PDK4: variants seen among roughly 807,000 people sequenced by gnomAD.
PDK4 encodes pyruvate dehydrogenase kinase, isozyme 4.
Under a neutral mutation model 51.7 loss-of-function variants are expected in PDK4, and 43 were observed. That is an observed-to-expected ratio of 0.83 (90% CI 0.65 to 1.07). The LOEUF is 1.07. PDK4 is among the 50% of genes least tolerant of loss of function. The pLI is 0.00. For missense variants in PDK4, 498 were observed against 503.5 expected (o/e 0.99, Z 0.10); for synonymous variants, 170 against 176.6 (o/e 0.96, Z 0.30).
At chr7:95,588,177 C>A (rs930868221) in intron 7 of PDK4, among the ~76,000 whole-genome samples, 1 of 152,070 alleles carries the variant, frequency 6.6e-6, no homozygotes, top group Non-Finnish European at 1.5e-5. Context: ...CGTTTTACAT[C>A]CAAGCACCAA....
chr7:95,593,639 T>C, intron 3 of PDK4, 60 bp downstream of exon 3: 1 of 803,456 alleles, frequency 1.2e-6, no homozygotes, highest in Non-Finnish European at 2.2e-6. Flanking sequence ...AAAAATATCT[T>C]AGGAATCTAT....
At position 95,585,694 on chromosome 7, in the gene PDK4, A is replaced by G; in HGVS notation, c.1183T>C (p.Trp395Arg). Residue 395 changes from tryptophan to arginine, a missense_variant, in exon 11 of 11, where the codon TGG becomes CGG. Trp to Arg is a moderately radical substitution (Grantham distance 101, BLOSUM62 -3). Transcript: ENST00000005178. The stretch of plus-strand genomic sequence containing the variant: ...TTTGGTTCCCTGCTTGGGATACACC[A>G]GTCATCAGCCTCAGAGCTCATCTGA... ...HYQMSSEADD[W>R]CIPSREPKNL... 2 of 1,612,406 alleles carry G rather than the reference A, an allele frequency of 1.2e-6. No individual in the cohort carries two copies. Among genetic ancestry groups the G allele is most frequent in the Non-Finnish European group, 1.7e-6 (2 of 1,178,674 alleles).
chr7:95,587,858 G>A (rs369797016), intron 7 of PDK4, 33 bp from the exon 8 acceptor site: 4 of 1,297,770 alleles, frequency 3.1e-6, no homozygotes, highest in Non-Finnish European at 4.5e-6. Context: ...GAATTCAATG[G>A]CAGAGGAATG....
Position 95,596,377 on chromosome 7 carries a change from C to A in PDK4, c.-84G>T. 7.0e-7 allele frequency: 1 copy of A among 1,420,312 alleles called. No individual in the cohort carries two copies. The highest frequency in any genetic ancestry group is 9.2e-7 in the Non-Finnish European group (1 of 1,084,002). The allele number at this position is 1,420,312 out of a possible 1,614,324, so 88.0% of individuals were successfully genotyped here. ...GGAGCAGAGCCTGGTTCCGAGGGGG[C>A]GCGGCGCGTCCGGGCGAGGACTGCA... On this transcript the variant is annotated 5_prime_UTR_variant, in exon 1 of 11. Coordinates refer to ENST00000005178, the MANE Select transcript of PDK4 (RefSeq NM_002612.4).
At chr7:95,593,877 A>T in intron 2 of PDK4, 107 bp from the exon 3 acceptor site, 1 of 489,978 alleles carries the variant, frequency 2.0e-6, no homozygotes, top group Non-Finnish European at 3.7e-6. Context: ...AGTAAGCATT[A>T]TGTTCAAACT....
rs183638925 is a variant in PDK4 at position 95,585,767 on chromosome 7, C to T, written c.1110G>A (p.Glu370=). 5 of 1,592,214 alleles carry T rather than the reference C, an allele frequency of 3.1e-6. No individual in the cohort carries two copies. The East Asian group carries it at 1.1e-4, about 36-fold the overall frequency. ...AIIYLKALSS[E]SIEKLPVFNK... ...TAAAAACTGGAAGTTTTTCTATAGA[C>T]TCAGAAGACAAAGCCTAAAAGAAAA... Residue 370 remains glutamate, a synonymous_variant, in exon 11 of 11, where the codon GAG becomes GAA. Transcript: ENST00000005178.
intron 7 of PDK4, among the ~76,000 whole-genome samples, chr7:95,588,286 T>C (rs577173727): frequency 1.7e-4 from 26 of 152,326 alleles, no homozygotes; most frequent in Non-Finnish European, 3.1e-4. Flanking sequence ...AAAAGGACAG[T>C]CAATAATTCT....
intron 5 of PDK4, 106 bp from the exon 6 acceptor site, chr7:95,592,171 G>T (rs559459920): frequency 8.8e-6 from 5 of 565,830 alleles, no homozygotes; most frequent in African/African-American, 7.8e-5. Flanking sequence ...TATTCACTAA[G>T]GTACAGGTTT....
At chr7:95,586,921 G>T in intron 10 of PDK4, 89 bp downstream of exon 10, 1 of 697,514 alleles carries the variant, frequency 1.4e-6, no homozygotes, top group Non-Finnish European at 2.6e-6. Flanking sequence ...AACTCAGTTT[G>T]GGGAATTCAC....
intron 7 of PDK4, among the ~76,000 whole-genome samples, chr7:95,588,913 A>G (rs1214908737): frequency 6.6e-6 from 1 of 152,216 alleles, no homozygotes; most frequent in Non-Finnish European, 1.5e-5. Flanking sequence ...TCAGACCTGA[A>G]GAATCAAAAT....
At chr7:95,585,889 C>G in intron 10 of PDK4, 108 bp from the exon 11 acceptor site, 1 of 892,746 alleles carries the variant, frequency 1.1e-6, no homozygotes, top group South Asian at 1.9e-5. Context: ...TCCAAACATT[C>G]AAATACATTC....
chr7:95,593,296 T>C (rs1225111298), intron 3 of PDK4, among the ~76,000 whole-genome samples: 1 of 152,138 alleles, frequency 6.6e-6, no homozygotes, highest in Non-Finnish European at 1.5e-5. Context: ...GAAAAAACTT[T>C]CAAAATTTCT....
In PDK4 at chr7:95,587,763, A is replaced by G. The variant is rs1562836789; in HGVS notation, c.834T>C (p.Val278=). The G allele has an allele frequency of 3.1e-6, 5 of 1,613,210 alleles. No individual in the cohort carries two copies. Among genetic ancestry groups the G allele is most frequent in the Non-Finnish European group, 4.2e-6 (5 of 1,179,176 alleles). ...GGTCTTCTTTTCCCAAGACAACAAT[A>G]ACCTCTATTGGTGTAAGGGAAGGCT... is the stretch of plus-strand genomic sequence containing the variant. ...ENQPSLTPIE[V]IVVLGKEDLT... Residue 278 remains valine, a synonymous_variant, in exon 8 of 11, where the codon GTT becomes GTC. Coordinates refer to ENST00000005178, the MANE Select transcript of PDK4 (RefSeq NM_002612.4).
In PDK4 at chr7:95,596,241, C is replaced by T. The variant is rs754761511; in HGVS notation, c.53G>A (p.Gly18Asp). Reference sequence around the variant, plus strand: ...ATGCTCCACCTCTCGGGGCACCAGGCCGGCGCCGTTGAGCGAGCCAGCGCT... The same window carrying T: ...ATGCTCCACCTCTCGGGGCACCAGGTCGGCGCCGTTGAGCGAGCCAGCGCT... ...LRSAGSLNGA[G>D]LVPREVEHFS... Residue 18 changes from glycine to aspartate, a missense_variant, in exon 1 of 11, where the codon GGC becomes GAC. By Grantham distance (94) the Gly-to-Asp change is moderately conservative. Coordinates refer to ENST00000005178, the MANE Select transcript of PDK4 (RefSeq NM_002612.4). 50 of 1,598,576 alleles carry T rather than the reference C, an allele frequency of 3.1e-5. No homozygotes were observed. The South Asian group carries it at 5.4e-4, about 17-fold the overall frequency.
chr7:95,595,980 C>T (rs958788430), intron 1 of PDK4, among the ~76,000 whole-genome samples, 184 bp downstream of exon 1: 8 of 152,162 alleles, frequency 5.3e-5, no homozygotes, highest in Non-Finnish European at 1.0e-4. Context: ...CCTGGAGGCA[C>T]CCCTGTCAGA....
At position 95,595,168 on chromosome 7, in the gene PDK4, T is replaced by C; in HGVS notation, c.131-4A>G. 6.2e-7 allele frequency: 1 copy of C among 1,606,594 alleles called. No individual in the cohort carries two copies. ...CTTTCACATGCATTTTCTGAACCTA[T>C]AATAAATGAAATCAATTTAGTTTTG... On this transcript the variant is annotated splice_polypyrimidine_tract_variant and splice_region_variant and intron_variant, in intron 1 of 10. Transcript: ENST00000005178.
Position 95,596,197 on chromosome 7 carries a change from A to G in PDK4, c.97T>C (p.Ser33Pro). ...AGTAGCTGCTTCATGGACAGCGGGG[A>G]CGGGCTGTAGCGCGAGAAATGCTCC... is the stretch of plus-strand genomic sequence containing the variant. ...EVEHFSRYSP[S>P]PLSMKQLLDF... The change falls in exon 1 of 11, where the codon TCC (serine) becomes CCC (proline). Residue 33 changes from serine to proline, a missense_variant. By Grantham distance (74) the Ser-to-Pro change is moderately conservative. Coordinates refer to ENST00000005178, the MANE Select transcript of PDK4 (RefSeq NM_002612.4). The G allele has an allele frequency of 1.2e-6, 2 of 1,604,002 alleles. No homozygotes were observed. The highest frequency in any genetic ancestry group is 1.7e-6 in the Non-Finnish European group (2 of 1,175,536).
At position 95,595,093 on chromosome 7, in the gene PDK4, T is replaced by C; in HGVS notation, c.202A>G (p.Ile68Val). Reference protein sequence around the residue: ...RQELPVRLANILKEIDILPTQ... With the variant: ...RQELPVRLANVLKEIDILPTQ... ...GGGAGGATATCAATTTCCTTCAGAATGTTGGCGAGTCTCACAGGCAATTCT... is the reference window on the plus strand; with the variant it reads ...GGGAGGATATCAATTTCCTTCAGAACGTTGGCGAGTCTCACAGGCAATTCT... The change falls in exon 2 of 11, where the codon ATT becomes GTT. Residue 68 changes from isoleucine to valine, a missense_variant. By Grantham distance (29) the Ile-to-Val change is conservative. Coordinates refer to ENST00000005178, the MANE Select transcript of PDK4 (RefSeq NM_002612.4). 3 of 1,612,736 alleles carry C rather than the reference T, an allele frequency of 1.9e-6. No individual in the cohort carries two copies. The highest frequency in any genetic ancestry group is 1.1e-5 in the South Asian group (1 of 91,044).
chr7:95,595,091 A>G lies in PDK4; in HGVS notation c.204T>C (p.Ile68=), dbSNP rs1412211537. The G allele has an allele frequency of 1.2e-6, 2 of 1,612,766 alleles. No individual in the cohort carries two copies. Among genetic ancestry groups the G allele is most frequent in the Admixed American group, 3.3e-5 (2 of 60,008 alleles). ...RQELPVRLAN[I]LKEIDILPTQ... ...TCGGGAGGATATCAATTTCCTTCAG[A>G]ATGTTGGCGAGTCTCACAGGCAATT... is the stretch of plus-strand genomic sequence containing the variant. The change falls in exon 2 of 11, where the codon ATT becomes ATC. Residue 68 remains isoleucine, a synonymous_variant. Transcript: ENST00000005178.
Sources: gnomAD v4.1 joint callset for allele counts (sites outside exome capture counted in the v4.1 genomes callset) on GRCh38, gnomAD v4.1.1 for gene constraint, MANE v1.5 for transcripts, NCBI Gene and HGNC (gene_info 2026-07-23, HGNC 2026-07-21) for gene names.